CDH12: variants seen among roughly 807,000 people sequenced by gnomAD.
CDH12 encodes the protein cadherin 12, also known as cadherin-12.
Under a neutral mutation model 74.1 loss-of-function variants are expected in CDH12, and 41 were observed. That is an observed-to-expected ratio of 0.55 (90% confidence interval 0.43 to 0.72). The LOEUF (loss-of-function observed/expected upper bound fraction) is 0.72, where lower values mean the gene tolerates loss of function less well. CDH12 is among the 30% of genes least tolerant of loss of function. The probability of loss-of-function intolerance (pLI) is 0.00; values close to 1 mark genes in which losing one functional copy is unlikely to be tolerated. For missense variants in CDH12, 945 were observed against 977.2 expected, an observed-to-expected ratio of 0.97 and a Z score of 0.44; for synonymous variants, 399 against 355.0, an observed-to-expected ratio of 1.12 and a Z score of -1.39.
At chr5:21,885,010 C>T (rs1307400002) in intron 6 of CDH12, among the ~76,000 whole-genome samples, 6 of 152,114 alleles carry the variant, frequency 3.9e-5, no homozygotes, top group African/African-American at 1.4e-4. Flanking sequence ...CTCAGCCTCC[C>T]GAGTTAGCTG....
chr5:21,917,881 T>A (rs543826024), intron 6 of CDH12, among the ~76,000 whole-genome samples: 32 of 152,352 alleles, frequency 2.1e-4, no homozygotes, highest in African/African-American at 7.2e-4. Context: ...TCAAATTCAT[T>A]TGAACACTGC....
chr5:22,404,124 C>T (rs115955938), intron 3 of CDH12, among the ~76,000 whole-genome samples: 1,836 of 152,006 alleles, frequency 0.012, 38 homozygotes, highest in African/African-American at 0.041. Flanking sequence ...GCAATCTGTG[C>T]TAGCAAACAT....
chr5:21,902,132 G>T (rs1372592119), intron 6 of CDH12, among the ~76,000 whole-genome samples: 1 of 151,938 alleles, frequency 6.6e-6, no homozygotes, highest in African/African-American at 2.4e-5. Flanking sequence ...GCTGCCTTCT[G>T]TAGGATCTAT....
At chr5:22,291,197 T>A (rs1331616631) in intron 3 of CDH12, among the ~76,000 whole-genome samples, 2 of 151,998 alleles carry the variant, frequency 1.3e-5, no homozygotes, top group Admixed American at 1.3e-4. Flanking sequence ...CTCAGCAAAT[T>A]AGATATAAAA....
intron 3 of CDH12, among the ~76,000 whole-genome samples, chr5:22,307,601 C>T (rs1738168478): frequency 1.3e-5 from 2 of 152,036 alleles, no homozygotes; most frequent in South Asian, 4.1e-4. Flanking sequence ...CATCAGGAGA[C>T]CATTTGACAT....
In CDH12 at chr5:22,808,637, C is replaced by T. The variant is rs1345725247; in HGVS notation, c.-523+44421G>A. ...TTTTTTTTTTTTTGAGATGGAGTCTCGCTTTGTTGCCAGTCTGGAGTGCAG... is the reference window on the plus strand; with the variant it reads ...TTTTTTTTTTTTTGAGATGGAGTCTTGCTTTGTTGCCAGTCTGGAGTGCAG... On this transcript the variant is annotated intron_variant, in intron 1 of 14. Transcript: ENST00000382254. 3.2e-5 allele frequency among the ~76,000 whole-genome samples: 4 copies of T among 124,622 alleles called. No individual in the cohort carries two copies. The South Asian group carries it at 7.5e-4, about 23-fold the overall frequency. 81.8% of individuals were successfully genotyped at this position (124,622 alleles called of 152,430 possible).
Position 22,587,116 on chromosome 5 carries a change from G to A in CDH12, c.-522-81752C>T, listed in dbSNP as rs548590326. Among the ~76,000 whole-genome samples, 22 of 152,132 alleles carry A rather than the reference G, an allele frequency of 1.4e-4. No homozygotes were observed. The East Asian group carries it at 3.3e-3, about 23-fold the overall frequency. On this transcript the variant is annotated intron_variant, in intron 1 of 14. Transcript: ENST00000382254. ...CTCCCAAAGTGCTGGGATTACAGTC[G>A]TGAGCCATTGCGCACAGCCTAGAAG...
At chr5:21,833,287 A>ACATATAATATATATTATATGT (rs1749284204) in intron 8 of CDH12, among the ~76,000 whole-genome samples, 1 of 53,830 alleles carries the variant, frequency 1.9e-5, no homozygotes, top group Non-Finnish European at 2.6e-5. Flanking sequence ...ATGTTATATA[A>ACATATAATATATATTATATGT]CATATAATAT....
At chr5:22,646,525 A>G (rs1739440471) in intron 1 of CDH12, among the ~76,000 whole-genome samples, 1 of 151,904 alleles carries the variant, frequency 6.6e-6, no homozygotes, top group Non-Finnish European at 1.5e-5. Flanking sequence ...GGAGAGGATT[A>G]ACTATTTGAT....
intron 1 of CDH12, among the ~76,000 whole-genome samples, chr5:22,836,732 C>T (rs187602568): frequency 5.9e-5 from 9 of 152,096 alleles, no homozygotes; most frequent in Admixed American, 2.6e-4. Flanking sequence ...ATAAAATTGC[C>T]GCAATTCCAT....
chr5:22,140,681 C>A (rs1283908414), intron 4 of CDH12, among the ~76,000 whole-genome samples: 1 of 152,142 alleles, frequency 6.6e-6, no homozygotes, highest in Non-Finnish European at 1.5e-5. Flanking sequence ...TGACTAAGTT[C>A]TTCCCATCTC....
chr5:22,586,280 T>C (rs111946007), intron 1 of CDH12, among the ~76,000 whole-genome samples: 2,834 of 151,954 alleles, frequency 0.019, 76 homozygotes, highest in African/African-American at 0.062. Context: ...CAGGTGGGAA[T>C]TGAACAATGA....
intron 1 of CDH12, among the ~76,000 whole-genome samples, chr5:22,618,552 C>G (rs535079841): frequency 6.6e-6 from 1 of 152,212 alleles, no homozygotes; most frequent in South Asian, 2.1e-4. Flanking sequence ...ATACTGAACA[C>G]TGAGCTCGTT....
intron 1 of CDH12, among the ~76,000 whole-genome samples, chr5:22,597,943 T>C (rs946111682): frequency 2.0e-5 from 3 of 152,192 alleles, no homozygotes; most frequent in Admixed American, 6.5e-5. Flanking sequence ...AAGATATAGG[T>C]AATATTTGAT....
intron 4 of CDH12, among the ~76,000 whole-genome samples, chr5:22,091,844 G>A (rs539282218): frequency 4.4e-4 from 67 of 151,904 alleles, no homozygotes; most frequent in African/African-American, 1.6e-3. Flanking sequence ...TGTGGTACTG[G>A]CATAAGTATA....
chr5:22,481,538 C>T (rs1406635976), intron 2 of CDH12, among the ~76,000 whole-genome samples: 3 of 152,090 alleles, frequency 2.0e-5, no homozygotes, highest in Admixed American at 2.0e-4. Flanking sequence ...ATAAGGAAAG[C>T]CTGCCATTTG....
At chr5:22,661,269 AT>A (rs1330761527) in intron 1 of CDH12, among the ~76,000 whole-genome samples, 2 of 152,214 alleles carry the variant, frequency 1.3e-5, no homozygotes, top group African/African-American at 4.8e-5. Context: ...CCTGAACAAA[AT>A]TAGCTTCTCT....
intron 5 of CDH12, among the ~76,000 whole-genome samples, chr5:22,027,145 T>G (rs546095483): frequency 6.6e-6 from 1 of 152,274 alleles, no homozygotes; most frequent in East Asian, 1.9e-4. Context: ...GAACCAGCCT[T>G]GCATCCCAGG....
At chr5:21,804,292 T>C (rs1747302802) in intron 9 of CDH12, among the ~76,000 whole-genome samples, 1 of 152,064 alleles carries the variant, frequency 6.6e-6, no homozygotes, top group Admixed American at 6.6e-5. Flanking sequence ...AGAAGTGTAG[T>C]ATCTGAAAAA....
Sources: allele counts gnomAD v4.1 joint callset (sites outside exome capture counted in the v4.1 genomes callset), GRCh38; gene constraint gnomAD v4.1.1; transcripts MANE v1.5; gene names NCBI Gene and HGNC (gene_info 2026-07-23, HGNC 2026-07-21).